The following NXPH1 variants were observed in gnomAD, a reference collection of about 807,000 sequenced individuals.
The protein encoded by NXPH1 is neurexophilin 1.
Under a neutral mutation model 23.7 loss-of-function variants are expected in NXPH1, and 5 were observed. That is an observed-to-expected ratio of 0.21 (90% confidence interval 0.11 to 0.44). The LOEUF is 0.44. NXPH1 is among the 20% of genes least tolerant of loss of function. The pLI, the probability that NXPH1 is intolerant of heterozygous loss-of-function variation, is 0.99. For synonymous variants in NXPH1, 144 were observed against 122.2 expected, an observed-to-expected ratio of 1.18 and a Z score of -1.18; for missense variants, 324 against 321.6, an observed-to-expected ratio of 1.01 and a Z score of -0.06.
At chr7:8,624,146 TG>T (rs1286963849) in intron 2 of NXPH1, among the ~76,000 whole-genome samples, 3 of 152,018 alleles carry the variant, frequency 2.0e-5, no homozygotes, top group African/African-American at 7.2e-5. Context: ...TAGCACAGGG[TG>T]AGTTTTTTAA....
intron 2 of NXPH1, among the ~76,000 whole-genome samples, chr7:8,727,117 C>T (rs991816117): frequency 1.1e-4 from 17 of 147,988 alleles, no homozygotes; most frequent in Admixed American, 7.3e-4. Flanking sequence ...TGTGTTTTTT[C>T]GGCTGCATAA....
At chr7:8,462,432 A>G (rs530410515) in intron 2 of NXPH1, among the ~76,000 whole-genome samples, 80 of 152,334 alleles carry the variant, frequency 5.3e-4, no homozygotes, top group African/African-American at 1.9e-3. Flanking sequence ...TTTAATCTAG[A>G]TAACAGCTCC....
intron 2 of NXPH1, among the ~76,000 whole-genome samples, chr7:8,736,628 G>A (rs559674317): frequency 5.9e-5 from 9 of 152,276 alleles, no homozygotes; most frequent in Admixed American, 2.0e-4. Flanking sequence ...GGAGAGTTCC[G>A]TAAATGCCTA....
At chr7:8,628,637 A>G (rs1168633056) in intron 2 of NXPH1, among the ~76,000 whole-genome samples, 1 of 152,028 alleles carries the variant, frequency 6.6e-6, no homozygotes, top group East Asian at 1.9e-4. Flanking sequence ...CTTTTCATGT[A>G]CTATAATCAA....
chr7:8,698,686 G>T (rs1382781408), intron 2 of NXPH1, among the ~76,000 whole-genome samples: 1 of 152,062 alleles, frequency 6.6e-6, no homozygotes, highest in East Asian at 1.9e-4. Context: ...TATGAAGGAG[G>T]CTATTAGAGT....
intron 2 of NXPH1, among the ~76,000 whole-genome samples, chr7:8,529,974 T>C (rs1817924847): frequency 6.6e-6 from 1 of 152,242 alleles, no homozygotes; most frequent in Non-Finnish European, 1.5e-5. Context: ...AAGTTGGTGA[T>C]TTTAGAGCAC....
chr7:8,582,731 A>C (rs1818904722), intron 2 of NXPH1, among the ~76,000 whole-genome samples: 1 of 152,130 alleles, frequency 6.6e-6, no homozygotes, highest in African/African-American at 2.4e-5. Flanking sequence ...GGCCAGAAAA[A>C]GCACTATGAG....
At chr7:8,535,569 CA>C (rs1818014251) in intron 2 of NXPH1, among the ~76,000 whole-genome samples, 2 of 150,950 alleles carry the variant, frequency 1.3e-5, no homozygotes, top group African/African-American at 4.9e-5. Flanking sequence ...AACACAAGAA[CA>C]AACCAAGACC....
At chr7:8,503,501 T>C (rs926797934) in intron 2 of NXPH1, among the ~76,000 whole-genome samples, 3 of 152,048 alleles carry the variant, frequency 2.0e-5, no homozygotes, top group Admixed American at 6.6e-5. Flanking sequence ...TTTAAAGTCC[T>C]GGAACTATTT....
intron 2 of NXPH1, among the ~76,000 whole-genome samples, chr7:8,628,141 T>C (rs1169122873): frequency 6.6e-6 from 1 of 151,978 alleles, no homozygotes; most frequent in Non-Finnish European, 1.5e-5. Context: ...CAAAGCAAAA[T>C]AAATGTAAAG....
At chr7:8,511,433 C>A (rs893406028) in intron 2 of NXPH1, among the ~76,000 whole-genome samples, 2 of 152,108 alleles carry the variant, frequency 1.3e-5, no homozygotes, top group African/African-American at 2.4e-5. Context: ...CTGCATGCGG[C>A]CTGGGCTCCA....
At chr7:8,516,067 A>T (rs1210210369) in intron 2 of NXPH1, among the ~76,000 whole-genome samples, 1 of 152,154 alleles carries the variant, frequency 6.6e-6, no homozygotes, top group Non-Finnish European at 1.5e-5. Flanking sequence ...CTGTAACACC[A>T]TAGGCTATTA....
chr7:8,479,066 T>C (rs150902724), intron 2 of NXPH1, among the ~76,000 whole-genome samples: 1,554 of 152,252 alleles, frequency 0.01, 22 homozygotes, highest in African/African-American at 0.035. Context: ...AAAATACTGT[T>C]TGTTAACTGG....
chr7:8,522,705 C>T (rs1817792775), intron 2 of NXPH1, among the ~76,000 whole-genome samples: 1 of 152,156 alleles, frequency 6.6e-6, no homozygotes, highest in Admixed American at 6.5e-5. Context: ...GAATTGTGAG[C>T]CCAAGTCTGG....
At chr7:8,701,946 T>C (rs17334661) in intron 2 of NXPH1, among the ~76,000 whole-genome samples, 1,734 of 152,116 alleles carry the variant, frequency 0.011, 19 homozygotes, top group Non-Finnish European at 0.019. Flanking sequence ...TTTAATTCTG[T>C]GGTTTCCTAA....
intron 2 of NXPH1, among the ~76,000 whole-genome samples, chr7:8,713,762 C>A (rs919755613): frequency 1.3e-5 from 2 of 152,190 alleles, no homozygotes; most frequent in Non-Finnish European, 2.9e-5. Flanking sequence ...GAAGAATTCT[C>A]TGGATTACCA....
At chr7:8,624,070 G>C (rs1819937805) in intron 2 of NXPH1, among the ~76,000 whole-genome samples, 2 of 152,282 alleles carry the variant, frequency 1.3e-5, no homozygotes, top group Non-Finnish European at 2.9e-5. Flanking sequence ...AAATAGGTCA[G>C]GACTTGGAGC....
At chr7:8,507,562 T>A (rs542764836) in intron 2 of NXPH1, among the ~76,000 whole-genome samples, 2 of 152,166 alleles carry the variant, frequency 1.3e-5, no homozygotes, top group East Asian at 3.9e-4. Flanking sequence ...TTCTAGTAGT[T>A]CCCCCAGTGG....
At chr7:8,458,096 G>T (rs1321827631) in intron 2 of NXPH1, among the ~76,000 whole-genome samples, 1 of 152,186 alleles carries the variant, frequency 6.6e-6, no homozygotes, top group African/African-American at 2.4e-5. Flanking sequence ...AAAATAAAAT[G>T]TTAGTGCTAG....
Sources: gnomAD v4.1 joint callset for allele counts (sites outside exome capture counted in the v4.1 genomes callset) on GRCh38, gnomAD v4.1.1 for gene constraint, MANE v1.5 for transcripts, NCBI Gene and HGNC (gene_info 2026-07-23, HGNC 2026-07-21) for gene names.